DAB1: variants seen among roughly 807,000 people sequenced by gnomAD.
DAB1 encodes disabled homolog 1.
Under a neutral mutation model 64.6 loss-of-function variants are expected in DAB1, and 15 were observed. The ratio of observed to expected loss-of-function variants is 0.23; its 90% CI spans 0.16 to 0.36. The LOEUF is 0.36. Among genes scored for constraint, DAB1 ranks in the 10% least tolerant of loss-of-function variants. DAB1 has a pLI of 1.00. For synonymous variants in DAB1, 235 were observed against 251.9 expected (o/e 0.93, Z 0.64); for missense variants, 596 against 706.7 (o/e 0.84, Z 1.78).
At chr1:57,548,397 C>A (rs1413551010) in intron 7 of DAB1, among the ~76,000 whole-genome samples, 1 of 152,100 alleles carries the variant, frequency 6.6e-6, no homozygotes, top group Non-Finnish European at 1.5e-5. Flanking sequence ...TTCTTAATCA[C>A]CATAGAAGGA....
At chr1:58,321,557 CA>C (rs1449304739) in intron 4 of DAB1, among the ~76,000 whole-genome samples, 2 of 152,226 alleles carry the variant, frequency 1.3e-5, no homozygotes, top group African/African-American at 2.4e-5. Flanking sequence ...CACTCCTGCC[CA>C]AATACTGTGC....
At chr1:57,375,930 C>T (rs35349270) in intron 1 of DAB1, among the ~76,000 whole-genome samples, 3,949 of 152,248 alleles carry the variant, frequency 0.026, 74 homozygotes, top group African/African-American at 0.043. Flanking sequence ...AAAGATGAAT[C>T]GAGCATGGTT....
At chr1:57,836,296 G>A (rs1041801830) in intron 1 of DAB1, among the ~76,000 whole-genome samples, 1 of 152,210 alleles carries the variant, frequency 6.6e-6, no homozygotes, top group Non-Finnish European at 1.5e-5. Flanking sequence ...GAAAGGTTTT[G>A]ACTGTTGGTC....
chr1:57,747,825 AAAAAAAAAG>A (rs1245853705), intron 6 of DAB1, among the ~76,000 whole-genome samples: 2 of 151,072 alleles, frequency 1.3e-5, no homozygotes, highest in African/African-American at 2.4e-5. Context: ...AAAAAAAAAA[AAAAAAAAAG>A]AATACCATTG....
At chr1:58,541,293 C>CAAAAAAAAAAA (rs71043292) in intron 1 of DAB1, among the ~76,000 whole-genome samples, 8 of 27,572 alleles carry the variant, frequency 2.9e-4, no homozygotes, top group East Asian at 3.8e-3. Flanking sequence ...GACTCTGTCT[C>CAAAAAAAAAAA]AAAAAAAAAA....
intron 7 of DAB1, among the ~76,000 whole-genome samples, chr1:57,495,434 A>G (rs949652688): frequency 1.3e-5 from 2 of 152,336 alleles, no homozygotes; most frequent in South Asian, 4.1e-4. Context: ...TCAAAGATGA[A>G]TTACGGTGTA....
intron 5 of DAB1, among the ~76,000 whole-genome samples, chr1:58,124,048 A>T (rs1282513302): frequency 6.6e-6 from 1 of 152,182 alleles, no homozygotes; most frequent in Non-Finnish European, 1.5e-5. Flanking sequence ...TCATCTCAGC[A>T]TCTCAGTTAC....
intron 4 of DAB1, among the ~76,000 whole-genome samples, chr1:58,301,284 G>A (rs1342265085): frequency 6.6e-6 from 1 of 152,016 alleles, no homozygotes; most frequent in Non-Finnish European, 1.5e-5. Context: ...AAGTTCTGCG[G>A]AAAGCACTAA....
intron 7 of DAB1, among the ~76,000 whole-genome samples, chr1:57,574,332 C>T (rs1025610498): frequency 6.6e-6 from 1 of 152,130 alleles, no homozygotes; most frequent in South Asian, 2.1e-4. Context: ...AGGGCTGCTG[C>T]TCAACAGGAT....
At chr1:57,314,609 A>T (rs558575713) in intron 1 of DAB1, among the ~76,000 whole-genome samples, 1 of 152,146 alleles carries the variant, frequency 6.6e-6, no homozygotes, top group Non-Finnish European at 1.5e-5. Context: ...TCTCGTAAGG[A>T]TGCTCTTTAA....
Position 57,452,153 on chromosome 1 carries a change from C to T in DAB1, n.626-160987G>A, listed in dbSNP as rs1244545134. ...ATTTAGAGCTTAGGATTTAGTCTCT[C>T]TCTGCACCCCCCCTTTTTTTTTTTT... On this transcript the variant is annotated intron_variant and non_coding_transcript_variant, in intron 7 of 20. Transcript: ENST00000485760. Among the ~76,000 whole-genome samples, 6 of 133,620 alleles carry T rather than the reference C, an allele frequency of 4.5e-5. No individual in the cohort carries two copies. In the South Asian group the frequency reaches 7.7e-4, roughly 17 times the overall value. The allele number at this position is 133,620 out of a possible 152,430, so 87.7% of individuals were successfully genotyped here.
At chr1:58,521,784 A>C (rs1569943340) in intron 2 of DAB1, among the ~76,000 whole-genome samples, 1 of 152,310 alleles carries the variant, frequency 6.6e-6, no homozygotes, top group East Asian at 1.9e-4. Flanking sequence ...AAACTCATGA[A>C]GAAATCTTCA....
intron 5 of DAB1, among the ~76,000 whole-genome samples, chr1:58,101,166 A>C (rs1179654236): frequency 6.6e-6 from 1 of 151,894 alleles, no homozygotes; most frequent in Non-Finnish European, 1.5e-5. Flanking sequence ...AAACACAAAA[A>C]ATTAGCCGGG....
chr1:57,596,340 T>G (rs184158238), intron 7 of DAB1, among the ~76,000 whole-genome samples: 101 of 152,370 alleles, frequency 6.6e-4, no homozygotes, highest in African/African-American at 2.3e-3. Flanking sequence ...GGAAGATTTC[T>G]CTGTATCCCT....
At chr1:58,130,359 G>A (rs1455475041) in intron 5 of DAB1, among the ~76,000 whole-genome samples, 5 of 149,058 alleles carry the variant, frequency 3.4e-5, no homozygotes, top group Admixed American at 6.7e-5. Context: ...GTCTCTGCAC[G>A]TGAGATGGGT....
chr1:57,307,794 A>T (rs773196449), intron 1 of DAB1, among the ~76,000 whole-genome samples: 9 of 151,808 alleles, frequency 5.9e-5, no homozygotes, highest in Non-Finnish European at 1.2e-4. Context: ...CCTTTCCTGT[A>T]TGTTGAATAT....
At chr1:58,536,872 G>A (rs893279345) in intron 1 of DAB1, 10 of 585,718 alleles carry the variant, frequency 1.7e-5, no homozygotes, top group South Asian at 9.1e-5. Flanking sequence ...TGAATACATC[G>A]CTTTTCCAAT....
At chr1:58,415,062 T>C (rs943597537) in intron 3 of DAB1, among the ~76,000 whole-genome samples, 1 of 152,116 alleles carries the variant, frequency 6.6e-6, no homozygotes, top group Non-Finnish European at 1.5e-5. Flanking sequence ...ATGGGGCCTT[T>C]GGGAGGTAAT....
At chr1:57,026,998 G>A (rs1646809696) in intron 9 of DAB1, among the ~76,000 whole-genome samples, 1 of 152,202 alleles carries the variant, frequency 6.6e-6, no homozygotes, top group Admixed American at 6.5e-5. Context: ...CAGATCTTAA[G>A]TGATAGCTTC....
Sources: gnomAD v4.1 joint callset for allele counts (sites outside exome capture counted in the v4.1 genomes callset) on GRCh38, gnomAD v4.1.1 for gene constraint, MANE v1.5 for transcripts, NCBI Gene and HGNC (gene_info 2026-07-23, HGNC 2026-07-21) for gene names.